Variants in PATJ observed in about 807,000 individuals in gnomAD.
The protein encoded by PATJ is inaD-like protein.
In PATJ, 190 loss-of-function variants were observed where a neutral mutation model predicts 224.9. The ratio of observed to expected loss-of-function variants is 0.84; its 90% CI spans 0.75 to 0.95. The LOEUF is 0.95. Among genes scored for constraint, PATJ ranks in the 40% least tolerant of loss-of-function variants. PATJ has a pLI of 0.00. For missense variants in PATJ, 2,121 were observed against 2,270.3 expected (o/e 0.93, Z 1.34); for synonymous variants, 769 against 820.3 (o/e 0.94, Z 1.07).
intron 41 of PATJ, among the ~76,000 whole-genome samples, chr1:62,138,794 C>T (rs1267496308): frequency 6.6e-6 from 1 of 152,204 alleles, no homozygotes; most frequent in Non-Finnish European, 1.5e-5. Flanking sequence ...GAGCTGGCCC[C>T]ACCCAGGTGA....
intron 14 of PATJ, among the ~76,000 whole-genome samples, chr1:61,822,062 A>T (rs1657383603): frequency 6.6e-6 from 1 of 152,208 alleles, no homozygotes; most frequent in African/African-American, 2.4e-5. Context: ...TAGATGGAAA[A>T]GGACATCTTA....
intron 1 of PATJ, among the ~76,000 whole-genome samples, chr1:61,758,150 G>A (rs1490212763): frequency 6.6e-6 from 1 of 152,148 alleles, no homozygotes; most frequent in Non-Finnish European, 1.5e-5. Flanking sequence ...CCTTACTCAT[G>A]ATTCAGAGGT....
intron 41 of PATJ, among the ~76,000 whole-genome samples, chr1:62,139,767 T>C (rs576845425): frequency 1.3e-5 from 2 of 151,780 alleles, no homozygotes; most frequent in Admixed American, 1.3e-4. Flanking sequence ...TTTTTTTTTT[T>C]CTTTTTTTTT....
At chr1:61,745,842 G>A (rs994038768) in intron 1 of PATJ, among the ~76,000 whole-genome samples, 4 of 151,916 alleles carry the variant, frequency 2.6e-5, no homozygotes, top group Admixed American at 1.3e-4. Context: ...GACCTCAGGC[G>A]ATCCACCCGC....
At chr1:62,089,010 A>G (rs1660386154) in intron 33 of PATJ, among the ~76,000 whole-genome samples, 1 of 152,068 alleles carries the variant, frequency 6.6e-6, no homozygotes, top group Non-Finnish European at 1.5e-5. Context: ...TACAGTTTAA[A>G]TTCTGTAGTG....
rs757501450 is a variant in PATJ at position 61,864,590 on chromosome 1, A to G, written c.2792A>G (p.Tyr931Cys). The G allele has an allele frequency of 6.8e-6, 11 of 1,606,844 alleles. No individual in the cohort carries two copies. Among genetic ancestry groups the G allele is most frequent in the Middle Eastern group, 1.7e-4 (1 of 6,054 alleles). The change falls in exon 20 of 44, where the codon TAT (tyrosine) becomes TGT (cysteine). Residue 931 changes from tyrosine to cysteine, a missense_variant. By Grantham distance (194) the Tyr-to-Cys change is radical. Coordinates refer to ENST00000642238, the MANE Select transcript of PATJ (RefSeq NM_001350145.3). ...GAGGCAAGAACCGGGAGGACTGTCT[A>G]TTCCCAGGAGGCACAGCCGTATGGC... is the stretch of plus-strand genomic sequence containing the variant. Reference protein sequence around the residue: ...SQEARTGRTVYSQEAQPYGYC... With the variant: ...SQEARTGRTVCSQEAQPYGYC...
At chr1:62,091,508 T>C (rs1372080350) in intron 33 of PATJ, among the ~76,000 whole-genome samples, 2 of 152,242 alleles carry the variant, frequency 1.3e-5, no homozygotes. Flanking sequence ...TTATAAACAT[T>C]TGTATTAAAG....
At chr1:61,884,106 T>C in intron 21 of PATJ, 131 bp from the exon 22 acceptor site, 2 of 518,896 alleles carry the variant, frequency 3.9e-6, no homozygotes, top group Non-Finnish European at 6.7e-6. Context: ...CCTTTATTTA[T>C]TTACTTTAAT....
intron 31 of PATJ, among the ~76,000 whole-genome samples, chr1:62,063,272 C>T (rs971002436): frequency 7.2e-5 from 11 of 152,176 alleles, no homozygotes; most frequent in Admixed American, 7.2e-4. Context: ...AACCTTTCCA[C>T]ATTTCTTATT....
intron 25 of PATJ, among the ~76,000 whole-genome samples, chr1:61,913,838 T>A (rs1673041981): frequency 6.6e-6 from 1 of 152,206 alleles, no homozygotes; most frequent in Non-Finnish European, 1.5e-5. Flanking sequence ...GGTAAATCTG[T>A]CAAACAGATG....
intron 41 of PATJ, among the ~76,000 whole-genome samples, chr1:62,141,508 G>C (rs1570781320): frequency 6.6e-6 from 1 of 151,576 alleles, no homozygotes; most frequent in Non-Finnish European, 1.5e-5. Context: ...AACCCCATCT[G>C]TACTAAAAAT....
At chr1:61,789,353 T>G (rs921431868) in intron 8 of PATJ, among the ~76,000 whole-genome samples, 6 of 151,394 alleles carry the variant, frequency 4.0e-5, no homozygotes, top group Non-Finnish European at 7.4e-5. Flanking sequence ...AAAAAAAAAC[T>G]GAAACAAAAA....
At chr1:62,136,626 T>C (rs574289115) in intron 41 of PATJ, among the ~76,000 whole-genome samples, 6 of 150,848 alleles carry the variant, frequency 4.0e-5, no homozygotes, top group African/African-American at 1.5e-4. Flanking sequence ...TGCATGTAAG[T>C]GCTGAGGATT....
intron 41 of PATJ, among the ~76,000 whole-genome samples, chr1:62,140,139 C>A (rs140224232): frequency 2.0e-5 from 3 of 152,136 alleles, no homozygotes; most frequent in South Asian, 2.1e-4. Flanking sequence ...AAGTCCATCA[C>A]GTTTCTCATT....
chr1:62,017,729 CAAAAAA>C (rs58692636), intron 28 of PATJ, 121 bp from the exon 29 acceptor site: 26 of 324,282 alleles, frequency 8.0e-5, no homozygotes, highest in South Asian at 2.8e-4. Context: ...GAGACTGTCT[CAAAAAA>C]AAAAAAAAAA....
intron 34 of PATJ, among the ~76,000 whole-genome samples, chr1:62,112,564 G>C (rs1176367296): frequency 6.6e-6 from 1 of 152,190 alleles, no homozygotes; most frequent in African/African-American, 2.4e-5. Flanking sequence ...AAGGAACAAA[G>C]GTTCAGAGGC....
intron 1 of PATJ, among the ~76,000 whole-genome samples, chr1:61,750,435 C>CTTTTTT (rs3030066): frequency 8.2e-6 from 1 of 121,258 alleles, no homozygotes; most frequent in African/African-American, 3.2e-5. Context: ...TTTTCTGGAG[C>CTTTTTT]TTTTTTTTTT....
rs539372507 is a variant in PATJ at position 61,801,266 on chromosome 1, G to A, written c.1403-357G>A. On this transcript the variant is annotated intron_variant, in intron 11 of 43. Coordinates refer to ENST00000642238, the MANE Select transcript of PATJ (RefSeq NM_001350145.3). ...GTTGTTTCCTGACTTTTTAATGATT[G>A]CCATTCTAACTGGTGTGAGATGGTA... Among the ~76,000 whole-genome samples the A allele has an allele frequency of 2.7e-3, 406 of 152,210 alleles. 3 individuals are homozygous for A. Among genetic ancestry groups the A allele is most frequent in the African/African-American group, 9.3e-3 (388 of 41,532 alleles).
chr1:61,873,861 A>C (rs1459576254), intron 20 of PATJ, among the ~76,000 whole-genome samples: 1 of 152,306 alleles, frequency 6.6e-6, no homozygotes, highest in African/African-American at 2.4e-5. Context: ...TTTGTGTCTT[A>C]TGCAGGGGAG....
Sources: allele counts gnomAD v4.1 joint callset (sites outside exome capture counted in the v4.1 genomes callset), GRCh38; gene constraint gnomAD v4.1.1; transcripts MANE v1.5; gene names NCBI Gene and HGNC (gene_info 2026-07-23, HGNC 2026-07-21).